The following STIM1 variants were observed in gnomAD, a reference collection of about 807,000 sequenced individuals.
STIM1 encodes stromal interaction molecule 1.
In STIM1, 25 loss-of-function variants were observed where a neutral mutation model predicts 74.7. That is an observed-to-expected ratio of 0.33 (90% confidence interval 0.24 to 0.47). The LOEUF (loss-of-function observed/expected upper bound fraction) is 0.47, where lower values mean the gene tolerates loss of function less well. Ranked by LOEUF, STIM1 falls within the 20% of genes least tolerant of loss-of-function variation. STIM1 has a pLI of 1.00. For missense variants in STIM1, 728 were observed against 920.8 expected (o/e 0.79, Z 2.71); for synonymous variants, 328 against 348.8 (o/e 0.94, Z 0.66).
intron 3 of STIM1, among the ~76,000 whole-genome samples, chr11:4,047,410 G>T (rs1303740831): frequency 6.6e-6 from 1 of 152,144 alleles, no homozygotes; most frequent in Non-Finnish European, 1.5e-5. Context: ...GAGGCCAGGA[G>T]TCTGAGACCA....
chr11:3,962,754 A>G (rs1418147893), intron 1 of STIM1, among the ~76,000 whole-genome samples: 1 of 151,918 alleles, frequency 6.6e-6, no homozygotes, highest in East Asian at 1.9e-4. Flanking sequence ...TTGTTTATTG[A>G]CTTTTTAGAA....
At chr11:3,910,599 T>G (rs2092545578) in intron 1 of STIM1, among the ~76,000 whole-genome samples, 1 of 152,124 alleles carries the variant, frequency 6.6e-6, no homozygotes, top group African/African-American at 2.4e-5. Context: ...CCTCTGTGGA[T>G]GCACAACACT....
At chr11:3,877,450 T>A (rs2091341924) in intron 1 of STIM1, among the ~76,000 whole-genome samples, 1 of 152,128 alleles carries the variant, frequency 6.6e-6, no homozygotes, top group African/African-American at 2.4e-5. Flanking sequence ...GTGGAGACTC[T>A]GGACTTAGCT....
intron 2 of STIM1, among the ~76,000 whole-genome samples, chr11:4,005,178 C>T (rs367968632): frequency 7.9e-5 from 12 of 152,116 alleles, no homozygotes; most frequent in African/African-American, 7.2e-5. Context: ...AGTGTGGCGA[C>T]TCCTCAGGGA....
chr11:4,029,799 A>T (rs2094032819), intron 3 of STIM1, among the ~76,000 whole-genome samples: 1 of 152,178 alleles, frequency 6.6e-6, no homozygotes, highest in African/African-American at 2.4e-5. Context: ...ATGTATGTAC[A>T]GGTCACGTTT....
At chr11:4,008,798 C>T (rs1039064512) in intron 2 of STIM1, among the ~76,000 whole-genome samples, 1 of 152,040 alleles carries the variant, frequency 6.6e-6, no homozygotes, top group Admixed American at 6.6e-5. Context: ...AACCCATGCA[C>T]ACATGGGGAG....
intron 1 of STIM1, among the ~76,000 whole-genome samples, chr11:3,870,386 C>G (rs1399867064): frequency 6.6e-6 from 1 of 152,190 alleles, no homozygotes; most frequent in East Asian, 1.9e-4. Flanking sequence ...ATTGCTTTTC[C>G]TCTCTGAGCC....
chr11:4,071,378 T>A (rs1447986192), intron 6 of STIM1, among the ~76,000 whole-genome samples: 1 of 152,140 alleles, frequency 6.6e-6, no homozygotes, highest in Non-Finnish European at 1.5e-5. Flanking sequence ...TGACTCTGGG[T>A]CTTGCTCTGT....
intron 2 of STIM1, among the ~76,000 whole-genome samples, chr11:4,001,409 A>G (rs1054867568): frequency 1.3e-5 from 2 of 152,234 alleles, no homozygotes; most frequent in African/African-American, 4.8e-5. Context: ...TCTACAAGCC[A>G]GAAGAGAGTG....
intron 1 of STIM1, among the ~76,000 whole-genome samples, chr11:3,960,258 A>G (rs10835390): frequency 0.36 from 54,928 of 152,032 alleles, 10,049 homozygotes; most frequent in South Asian, 0.49. Context: ...AATGAAATGC[A>G]TCTTCTGCTT....
chr11:3,913,236 G>T (rs1269069369), intron 1 of STIM1, among the ~76,000 whole-genome samples: 5 of 151,792 alleles, frequency 3.3e-5, no homozygotes, highest in African/African-American at 9.7e-5. Flanking sequence ...CGCCCAGGCT[G>T]CAATGCAGTG....
intron 2 of STIM1, among the ~76,000 whole-genome samples, chr11:3,980,677 CAACAAAAAA>C (rs2093494681): frequency 1.3e-5 from 2 of 148,280 alleles, no homozygotes; most frequent in African/African-American, 2.5e-5. Flanking sequence ...ACAACAACAA[CAACAAAAAA>C]AAACAAATAG....
At chr11:3,897,789 T>C (rs915006439) in intron 1 of STIM1, among the ~76,000 whole-genome samples, 12 of 152,010 alleles carry the variant, frequency 7.9e-5, no homozygotes, top group African/African-American at 2.9e-4. Flanking sequence ...CTTGCGATAG[T>C]TTACTGAGAA....
chr11:3,908,481 G>A (rs1473210101), intron 1 of STIM1, among the ~76,000 whole-genome samples: 3 of 151,970 alleles, frequency 2.0e-5, no homozygotes, highest in African/African-American at 7.3e-5. Context: ...GCGTGGTGGC[G>A]GGCGCCTGTA....
At chr11:3,984,977 A>G (rs991055043) in intron 2 of STIM1, among the ~76,000 whole-genome samples, 3 of 152,160 alleles carry the variant, frequency 2.0e-5, no homozygotes, top group Non-Finnish European at 2.9e-5. Context: ...AGCAGAAGCC[A>G]TATTGTCAGC....
intron 2 of STIM1, among the ~76,000 whole-genome samples, chr11:4,007,311 C>G (rs1674666231): frequency 6.6e-6 from 1 of 152,128 alleles, no homozygotes; most frequent in African/African-American, 2.4e-5. Context: ...TAGTAAATCC[C>G]TTTGGTGGGA....
intron 1 of STIM1, among the ~76,000 whole-genome samples, chr11:3,870,771 T>C (rs1268736584): frequency 1.3e-5 from 2 of 152,082 alleles, no homozygotes; most frequent in Non-Finnish European, 2.9e-5. Flanking sequence ...GTGCTGGGAT[T>C]ATAGGCATCA....
chr11:3,990,993 T>C (rs2093605354), intron 2 of STIM1, among the ~76,000 whole-genome samples: 2 of 152,152 alleles, frequency 1.3e-5, no homozygotes, highest in Admixed American at 1.3e-4. Flanking sequence ...CAGTATCTAT[T>C]GTTCACATCT....
chr11:4,083,039 G>C (rs542114519), intron 9 of STIM1, 57 bp downstream of exon 9: 46 of 1,464,742 alleles, frequency 3.1e-5, no homozygotes, highest in Non-Finnish European at 4.1e-5. Flanking sequence ...AGAATTTGAG[G>C]GCATACAGGG....
Sources: gnomAD v4.1 joint callset for allele counts (sites outside exome capture counted in the v4.1 genomes callset) on GRCh38, gnomAD v4.1.1 for gene constraint, MANE v1.5 for transcripts, NCBI Gene and HGNC (gene_info 2026-07-23, HGNC 2026-07-21) for gene names.